LAMA4: variants seen among roughly 807,000 people sequenced by gnomAD.
The protein encoded by LAMA4 is laminin subunit alpha-4.
Under a neutral mutation model 207.1 loss-of-function variants are expected in LAMA4, and 127 were observed. That is an observed-to-expected ratio of 0.61 (90% CI 0.53 to 0.71). LAMA4 has a LOEUF of 0.71. Ranked by LOEUF, LAMA4 falls within the 30% of genes least tolerant of loss-of-function variation. The pLI, the probability that LAMA4 is intolerant of heterozygous loss-of-function variation, is 0.00. For missense variants in LAMA4, 2,093 were observed against 2,246.5 expected (o/e 0.93, Z 1.38); for synonymous variants, 761 against 816.0 (o/e 0.93, Z 1.15).
intron 24 of LAMA4, 136 bp from the exon 25 acceptor site, chr6:112,136,390 T>C (rs779995133): frequency 2.6e-6 from 2 of 757,200 alleles, no homozygotes; most frequent in African/African-American, 3.5e-5. Flanking sequence ...ATGAAATTCT[T>C]ATGAAATAAA....
rs199702092 is a variant in LAMA4 at position 112,190,947 on chromosome 6, C to CCTTTCTTTCTTTCTTTCTTTCTTT, written c.718+665_718+688dup. ...TCTTTCTTTCTTTCTTTCTTTCTTT[C>CCTTTCTTTCTTTCTTTCTTTCTTT]CTTTCTTTCTTTCTTTCTTTCTTTC... is the stretch of plus-strand genomic sequence containing the variant. On this transcript the variant is annotated intron_variant, in intron 6 of 38. Transcript: ENST00000230538. 1.7e-3 allele frequency among the ~76,000 whole-genome samples: 70 copies of CCTTTCTTTCTTTCTTTCTTTCTTT among 40,494 alleles called. 1 individual carries two copies. Among genetic ancestry groups the CCTTTCTTTCTTTCTTTCTTTCTTT allele is most frequent in the East Asian group, 3.5e-3 (5 of 1,436 alleles). The allele number at this position is 40,494 out of a possible 152,430, so 26.6% of individuals were successfully genotyped here.
At chr6:112,126,480 AAG>A (rs1231116634) in intron 31 of LAMA4, among the ~76,000 whole-genome samples, 8 of 152,234 alleles carry the variant, frequency 5.3e-5, no homozygotes, top group Non-Finnish European at 1.0e-4. Flanking sequence ...CAAACTCAGG[AAG>A]AGATCCTAAG....
chr6:112,187,530 AT>A lies in LAMA4; in HGVS notation c.885del (p.Lys295AsnfsTer5). 6.2e-7 allele frequency: 1 copy of A among 1,614,044 alleles called. No homozygotes were observed. The highest frequency in any genetic ancestry group is 8.5e-7 in the Non-Finnish European group (1 of 1,179,992). ...CCAGAGGATACGCTCAGCACCCCGG[AT>A]TTGCCTTCCTCGATGGAGAGCGCTG... ...RLAALSIEEG[K>X]SGVLSVSSGA... On this transcript the variant is annotated frameshift_variant, in exon 8 of 39. Transcript: ENST00000230538. LOFTEE classifies it high-confidence loss of function.
At chr6:112,123,697 C>T (rs932637300) in intron 31 of LAMA4, among the ~76,000 whole-genome samples, 45 of 152,132 alleles carry the variant, frequency 3.0e-4, no homozygotes, top group African/African-American at 1.1e-3. Context: ...GGCAGCAGCT[C>T]GTGCAGTTGG....
At chr6:112,162,632 G>A (rs1781124238) in intron 13 of LAMA4, among the ~76,000 whole-genome samples, 1 of 152,148 alleles carries the variant, frequency 6.6e-6, no homozygotes, top group Non-Finnish European at 1.5e-5. Flanking sequence ...GACTGGGGAA[G>A]GAGTGGGTTT....
intron 3 of LAMA4, among the ~76,000 whole-genome samples, chr6:112,212,596 T>C (rs1335572964): frequency 6.6e-6 from 1 of 152,142 alleles, no homozygotes; most frequent in African/African-American, 2.4e-5. Context: ...AACCTTAGAA[T>C]CCTTTGGACA....
At chr6:112,174,906 T>A (rs1554343104) in intron 11 of LAMA4, among the ~76,000 whole-genome samples, 1 of 152,260 alleles carries the variant, frequency 6.6e-6, no homozygotes, top group South Asian at 2.1e-4. Flanking sequence ...AAATTTCCAC[T>A]GGAGGCTAAA....
intron 2 of LAMA4, among the ~76,000 whole-genome samples, chr6:112,249,957 A>G (rs1231773858): frequency 6.6e-6 from 1 of 152,222 alleles, no homozygotes; most frequent in Admixed American, 6.5e-5. Flanking sequence ...ATTGTTCTGT[A>G]TATAATGGCC....
intron 4 of LAMA4, among the ~76,000 whole-genome samples, chr6:112,203,488 G>A (rs1365975624): frequency 6.6e-6 from 1 of 152,176 alleles, no homozygotes; most frequent in African/African-American, 2.4e-5. Context: ...GCTGAAAGAG[G>A]CAATGGGCAT....
rs1779583245 is a variant in LAMA4 at position 112,139,854 on chromosome 6, A to G, written c.3008T>C (p.Val1003Ala). Reference protein sequence around the residue: ...LPTSLNLPGFVGCLELATLNN... With the variant: ...LPTSLNLPGFAGCLELATLNN... Reference sequence around the variant, plus strand: ...CAAAGTGGCCAGTTCCAGGCAGCCAACAAAGCCAGGCAGGTTTAAGCTGGT... The same window carrying G: ...CAAAGTGGCCAGTTCCAGGCAGCCAGCAAAGCCAGGCAGGTTTAAGCTGGT... Residue 1003 changes from valine to alanine, a missense_variant, in exon 23 of 39, where the codon GTT (valine) becomes GCT (alanine). Val to Ala is a moderately conservative substitution (Grantham distance 64). Transcript: ENST00000230538. 6.2e-7 allele frequency: 1 copy of G among 1,614,134 alleles called. No individual in the cohort carries two copies. The highest frequency in any genetic ancestry group is 1.3e-5 in the African/African-American group (1 of 75,058).
chr6:112,247,836 C>T (rs1448208544), intron 2 of LAMA4, among the ~76,000 whole-genome samples: 4 of 152,180 alleles, frequency 2.6e-5, no homozygotes, highest in East Asian at 1.9e-4. Flanking sequence ...TAGAAACGAC[C>T]CAAATGTCCA....
chr6:112,108,427 G>A lies in LAMA4; in HGVS notation c.*1010C>T, dbSNP rs1583613901. ...TGCAGGTATGTGGAGAGCACACTTTGTTTTTGAGACAGGATCTCACTCTGT... is the reference window on the plus strand; with the variant it reads ...TGCAGGTATGTGGAGAGCACACTTTATTTTTGAGACAGGATCTCACTCTGT... On this transcript the variant is annotated 3_prime_UTR_variant, in exon 39 of 39. Transcript: ENST00000230538. 6.6e-6 allele frequency among the ~76,000 whole-genome samples: 1 copy of A among 152,094 alleles called. No individual in the cohort carries two copies.
At chr6:112,168,807 A>G (rs1268577388) in intron 12 of LAMA4, among the ~76,000 whole-genome samples, 1 of 152,114 alleles carries the variant, frequency 6.6e-6, no homozygotes, top group Non-Finnish European at 1.5e-5. Flanking sequence ...TTTTCACTGA[A>G]TTCTCAAAAG....
At chr6:112,246,215 C>A (rs1196178494) in intron 2 of LAMA4, among the ~76,000 whole-genome samples, 2 of 152,046 alleles carry the variant, frequency 1.3e-5, no homozygotes, top group African/African-American at 2.4e-5. Context: ...TTTAAATATT[C>A]TTCTGTATGG....
intron 2 of LAMA4, among the ~76,000 whole-genome samples, chr6:112,243,663 G>C: frequency 6.6e-6 from 1 of 151,992 alleles, no homozygotes; most frequent in East Asian, 1.9e-4. Flanking sequence ...TCAACTTAAG[G>C]ATAAACAGAA....
At chr6:112,139,973 C>CTCCTTGACCTACT in intron 22 of LAMA4, 88 bp from the exon 23 acceptor site, 3 of 1,291,168 alleles carry the variant, frequency 2.3e-6, no homozygotes, top group Non-Finnish European at 3.4e-6. Context: ...AATAGTAGGT[C>CTCCTTGACCTACT]AAGGAGACCT....
At chr6:112,121,306 G>A (rs1304844216) in intron 32 of LAMA4, among the ~76,000 whole-genome samples, 3 of 152,176 alleles carry the variant, frequency 2.0e-5, no homozygotes, top group Non-Finnish European at 1.5e-5. Context: ...CCAGGCTATG[G>A]ATAAGATACA....
At chr6:112,207,256 A>T in intron 3 of LAMA4, 111 bp from the exon 4 acceptor site, 1 of 1,172,308 alleles carries the variant, frequency 8.5e-7, no homozygotes, top group Non-Finnish European at 1.3e-6. Flanking sequence ...CAGATCAGAC[A>T]GCACAGACTG....
chr6:112,179,562 C>A lies in LAMA4; in HGVS notation c.1078-1330G>T, dbSNP rs1215125676. 3 of 153,950 alleles carry A rather than the reference C, an allele frequency of 1.9e-5. No individual in the cohort carries two copies. The East Asian group carries it at 5.8e-4, about 30-fold the overall frequency. 9.5% of individuals were successfully genotyped at this position (153,950 alleles called of 1,614,324 possible). On this transcript the variant is annotated intron_variant, in intron 9 of 38. Coordinates refer to ENST00000230538, the MANE Select transcript of LAMA4 (RefSeq NM_001105206.3). The stretch of plus-strand genomic sequence containing the variant: ...CTGCCACACAGAGCGCTGGTAGACC[C>A]ATTATACAGAGTTTCCTGAGGATAG...
Sources: gnomAD v4.1 joint callset for allele counts (sites outside exome capture counted in the v4.1 genomes callset) on GRCh38, gnomAD v4.1.1 for gene constraint, MANE v1.5 for transcripts, NCBI Gene and HGNC (gene_info 2026-07-23, HGNC 2026-07-21) for gene names.